The following NPAS2 variants were observed in gnomAD, a reference collection of about 807,000 sequenced individuals.
The protein encoded by NPAS2 is neuronal PAS domain protein 2, also known as neuronal PAS domain-containing protein 2.
Under a neutral mutation model 107.5 loss-of-function variants are expected in NPAS2, and 23 were observed. The ratio of observed to expected loss-of-function variants is 0.21; its 90% confidence interval spans 0.15 to 0.30. The LOEUF is 0.30. Among genes scored for constraint, NPAS2 ranks in the 10% least tolerant of loss-of-function variants. The pLI is 1.00. For synonymous variants in NPAS2, 403 were observed against 417.5 expected (o/e 0.97, Z 0.42); for missense variants, 756 against 1,043.3 (o/e 0.72, Z 3.79).
intron 1 of NPAS2, among the ~76,000 whole-genome samples, chr2:100,856,418 A>T (rs2104504718): frequency 6.6e-6 from 1 of 152,294 alleles, no homozygotes; most frequent in South Asian, 2.1e-4. Context: ...ATCCAGTTAG[A>T]GGGGACCTGT....
intron 1 of NPAS2, among the ~76,000 whole-genome samples, chr2:100,902,977 C>T (rs147661061): frequency 1.6e-3 from 237 of 152,240 alleles, no homozygotes; most frequent in African/African-American, 5.5e-3. Flanking sequence ...GAAATGTCTG[C>T]GGGATAAACA....
chr2:100,912,867 A>G (rs980495153), intron 2 of NPAS2, among the ~76,000 whole-genome samples: 7 of 152,210 alleles, frequency 4.6e-5, no homozygotes, highest in African/African-American at 1.4e-4. Flanking sequence ...CCATCTTTTG[A>G]TGGGAGAGCT....
intron 5 of NPAS2, among the ~76,000 whole-genome samples, 159 bp downstream of exon 5, chr2:100,938,001 C>T (rs1256097167): frequency 6.6e-6 from 1 of 152,170 alleles, no homozygotes; most frequent in African/African-American, 2.4e-5. Context: ...AGGACCAGGC[C>T]GAGGTCAAGG....
chr2:100,832,552 A>G (rs187856667), intron 1 of NPAS2, among the ~76,000 whole-genome samples: 12 of 152,268 alleles, frequency 7.9e-5, no homozygotes, highest in Admixed American at 4.6e-4. Flanking sequence ...TGTTTGGTAT[A>G]TACACAGTCC....
intron 1 of NPAS2, among the ~76,000 whole-genome samples, chr2:100,846,241 C>T (rs1286371529): frequency 6.6e-6 from 1 of 152,218 alleles, no homozygotes; most frequent in Non-Finnish European, 1.5e-5. Flanking sequence ...TCAAGGGAGA[C>T]ACTGGAATCT....
rs1356307325 is a variant in NPAS2 at position 100,975,451 on chromosome 2, C to A, written c.1283-7C>A. 1.9e-6 allele frequency: 3 copies of A among 1,609,936 alleles called. No individual in the cohort carries two copies. The highest frequency in any genetic ancestry group is 1.3e-5 in the African/African-American group (1 of 74,798). On this transcript the variant is annotated splice_region_variant and splice_polypyrimidine_tract_variant and intron_variant, in intron 13 of 20. Coordinates refer to ENST00000335681, the MANE Select transcript of NPAS2 (RefSeq NM_002518.4). Reference sequence around the variant, plus strand: ...AAGTTAGAAGGTCATTCGTTGCTTTCTTACAGCCACTCCCACCAAGCTGAT... The same window carrying A: ...AAGTTAGAAGGTCATTCGTTGCTTTATTACAGCCACTCCCACCAAGCTGAT...
intron 7 of NPAS2, among the ~76,000 whole-genome samples, chr2:100,952,489 G>C (rs1675287239): frequency 6.6e-6 from 1 of 152,090 alleles, no homozygotes; most frequent in Non-Finnish European, 1.5e-5. Flanking sequence ...ACTTGAACCT[G>C]GGAGGCGGAA....
chr2:100,875,814 A>G (rs1023162846), intron 1 of NPAS2, among the ~76,000 whole-genome samples: 1 of 152,168 alleles, frequency 6.6e-6, no homozygotes, highest in Non-Finnish European at 1.5e-5. Flanking sequence ...TCCCAGGGTT[A>G]TTTTTCCCTT....
Position 100,929,784 on chromosome 2 carries a change from C to T in NPAS2, c.182-3126C>T, listed in dbSNP as rs568548885. Among the ~76,000 whole-genome samples the T allele has an allele frequency of 2.6e-5, 4 of 152,300 alleles. No homozygotes were observed. The East Asian group carries it at 5.8e-4, about 22-fold the overall frequency. On this transcript the variant is annotated intron_variant, in intron 3 of 20. Transcript: ENST00000335681. ...CATTTTTAAGGCCCCCAGGTGATTC[C>T]GGTGTGCAGTGAGGGTTAAGAACTA...
At chr2:100,982,616 C>T (rs1042482379) in intron 16 of NPAS2, 2 of 562,418 alleles carry the variant, frequency 3.6e-6, no homozygotes, top group Non-Finnish European at 6.4e-6. Context: ...CTGACAGGCA[C>T]ATCTGCTCAC....
chr2:100,853,247 G>T (rs1315181656), intron 1 of NPAS2, among the ~76,000 whole-genome samples: 3 of 152,218 alleles, frequency 2.0e-5, no homozygotes, highest in African/African-American at 7.2e-5. Flanking sequence ...GACCTAAACA[G>T]GAGGAAGAGT....
At chr2:100,956,353 C>T (rs149025008) in intron 7 of NPAS2, among the ~76,000 whole-genome samples, 1 of 152,176 alleles carries the variant, frequency 6.6e-6, no homozygotes, top group African/African-American at 2.4e-5. Context: ...CCTTCACCCC[C>T]TCCTTCCTTC....
chr2:100,898,184 C>T (rs1681540945), intron 1 of NPAS2, among the ~76,000 whole-genome samples: 1 of 152,072 alleles, frequency 6.6e-6, no homozygotes, highest in Non-Finnish European at 1.5e-5. Flanking sequence ...GCCTCATCCT[C>T]CCAAGTAGCT....
intron 18 of NPAS2, 112 bp downstream of exon 18, chr2:100,990,558 C>T: frequency 8.1e-7 from 1 of 1,234,176 alleles, no homozygotes; most frequent in African/African-American, 1.5e-5. Flanking sequence ...TCTAAAGTGT[C>T]CACAGTTGAT....
chr2:100,849,864 C>A (rs1195713780), intron 1 of NPAS2, among the ~76,000 whole-genome samples: 2 of 151,918 alleles, frequency 1.3e-5, no homozygotes, highest in African/African-American at 4.8e-5. Flanking sequence ...CATCAGGAGT[C>A]ACTGGGGAGG....
chr2:100,967,590 G>C (rs571317386), intron 10 of NPAS2, among the ~76,000 whole-genome samples: 111 of 152,148 alleles, frequency 7.3e-4, no homozygotes, highest in African/African-American at 2.6e-3. Context: ...ACCTAAAGAG[G>C]TGCTAAGTTC....
intron 1 of NPAS2, chr2:100,878,674 T>C (rs898007906): frequency 1.1e-6 from 1 of 945,680 alleles, no homozygotes; most frequent in Non-Finnish European, 1.3e-6. Context: ...TTTCTAATTT[T>C]GGTGGCATTG....
intron 1 of NPAS2, among the ~76,000 whole-genome samples, chr2:100,850,011 T>TAAAAA (rs58359292): frequency 1.8e-4 from 10 of 56,212 alleles, no homozygotes; most frequent in African/African-American, 7.8e-4. Context: ...ACTCTTTTTG[T>TAAAAA]AAAAAAAAAA....
chr2:100,925,532 T>G (rs1683505871), intron 3 of NPAS2, among the ~76,000 whole-genome samples: 2 of 152,120 alleles, frequency 1.3e-5, no homozygotes, highest in Non-Finnish European at 2.9e-5. Flanking sequence ...CAAAACAACC[T>G]CACAGGTAGC....
Sources: allele counts gnomAD v4.1 joint callset (sites outside exome capture counted in the v4.1 genomes callset), GRCh38; gene constraint gnomAD v4.1.1; transcripts MANE v1.5; gene names NCBI Gene and HGNC (gene_info 2026-07-23, HGNC 2026-07-21).